The following COPA variants were observed in gnomAD, a reference collection of about 807,000 sequenced individuals.
COPA encodes coat protein complex I subunit alpha.
Under a neutral mutation model 158.7 loss-of-function variants are expected in COPA, and 10 were observed. The observed-to-expected ratio is 0.06, with a 90% confidence interval of 0.04 to 0.11. COPA has a LOEUF of 0.11. Ranked by LOEUF, COPA falls within the 10% of genes least tolerant of loss-of-function variation. The pLI is 1.00. For missense variants in COPA, 1,065 were observed against 1,536.7 expected (o/e 0.69, Z 5.13); for synonymous variants, 462 against 542.8 (o/e 0.85, Z 2.07).
In COPA at chr1:160,295,406, A is replaced by G. The variant is rs1658367017; in HGVS notation, c.2476+330T>C. On this transcript the variant is annotated intron_variant, in intron 23 of 32. Coordinates refer to ENST00000241704, the MANE Select transcript of COPA (RefSeq NM_004371.4). ...ACAGGTAGTTGAATTAGTACCTTTA[A>G]GATTGTATGTCATGAATGATAAAAT... is the stretch of plus-strand genomic sequence containing the variant. 2.6e-5 allele frequency among the ~76,000 whole-genome samples: 4 copies of G among 152,264 alleles called. No homozygotes were observed. The South Asian group carries it at 6.2e-4, about 24-fold the overall frequency.
In COPA at chr1:160,292,140, T is replaced by G; in HGVS notation, c.3019A>C (p.Ile1007Leu). 1.2e-6 allele frequency: 2 copies of G among 1,614,066 alleles called. No homozygotes were observed. Among genetic ancestry groups the G allele is most frequent in the Non-Finnish European group, 1.7e-6 (2 of 1,180,036 alleles). Residue 1007 changes from isoleucine to leucine, a missense_variant, in exon 29 of 33, where the codon ATC becomes CTC. Physicochemically the swap from Ile to Leu is conservative, Grantham distance 5. Transcript: ENST00000241704. ...TGGTAGCACAGCTGCAACCGTTGGA[T>G]GAGGTCATTAAGCTTCAGGCCCACA... ...PAVGLKLNDL[I>L]QRLQLCYQLT...
chr1:160,309,061 G>A (rs370398954), intron 13 of COPA, 40 bp downstream of exon 13: 20 of 1,502,152 alleles, frequency 1.3e-5, no homozygotes, highest in East Asian at 2.3e-5. Flanking sequence ...CGGGTGAGGA[G>A]AGCTGGAAGC....
intron 3 of COPA, among the ~76,000 whole-genome samples, chr1:160,338,506 A>T (rs182913305): frequency 1.3e-5 from 2 of 152,336 alleles, no homozygotes; most frequent in East Asian, 3.9e-4. Flanking sequence ...AGACTTAATG[A>T]AAACAACTAA....
intron 6 of COPA, among the ~76,000 whole-genome samples, chr1:160,329,412 A>G (rs1178756317): frequency 6.6e-6 from 1 of 151,936 alleles, no homozygotes; most frequent in Admixed American, 6.6e-5. Flanking sequence ...ATGGGGTCAC[A>G]CTCCCTCTCT....
chr1:160,316,766 GA>G (rs1659156113), intron 8 of COPA, among the ~76,000 whole-genome samples: 1 of 147,300 alleles, frequency 6.8e-6, no homozygotes, highest in Non-Finnish European at 1.5e-5. Context: ...AAAAAAAAAA[GA>G]ATGATTGGTT....
At position 160,321,622 on chromosome 1, in the gene COPA, T is replaced by C. The variant is rs12121459; in HGVS notation, c.706+1809A>G. Among the ~76,000 whole-genome samples, 1,472 of 152,066 alleles carry C rather than the reference T, an allele frequency of 9.7e-3. 12 individuals are homozygous for C. The highest frequency in any genetic ancestry group is 0.015 in the Non-Finnish European group (1,012 of 67,980). ...GGCCAACATGGTGAAACCTCGTCTC[T>C]AAAAAAAGTACAAAAATTAGCCAGG... On this transcript the variant is annotated intron_variant, in intron 8 of 32. Coordinates refer to ENST00000241704, the MANE Select transcript of COPA (RefSeq NM_004371.4).
intron 7 of COPA, 33 bp downstream of exon 7, chr1:160,325,501 GATGACAGCC>G (rs1229900024): frequency 6.7e-7 from 1 of 1,496,880 alleles, no homozygotes; most frequent in Admixed American, 1.7e-5. Flanking sequence ...ACTTTCCCAA[GATGACAGCC>G]CATATTCAGC....
Position 160,299,128 on chromosome 1 carries a change from C to T in COPA, c.1804G>A (p.Ala602Thr). 1 of 1,614,124 alleles carries T rather than the reference C, an allele frequency of 6.2e-7. No individual in the cohort carries two copies. The highest frequency in any genetic ancestry group is 8.5e-7 in the Non-Finnish European group (1 of 1,180,006). ...TCATCATATTTTCTGTTGATCAGGG[C>T]CAGCTTGAATTTGAACTCAGTGGGA... ...IDPTEFKFKL[A>T]LINRKYDEVL... Residue 602 changes from alanine (A) to threonine (T), a missense_variant, in exon 18 of 33, where the codon GCC becomes ACC. This residue lies in a region of COPA where 980 missense variants were observed against 1,357.8 expected (regional missense o/e 0.72). Coordinates refer to ENST00000241704, the MANE Select transcript of COPA (RefSeq NM_004371.4).
rs761552306 is a variant in COPA at position 160,333,579 on chromosome 1, C to A, written c.386+24G>T. ...AACTAGGAAAAATGAAGACTCTTTT[C>A]GAGCCCTCTGCCTCCTGCTTTACCA... is the stretch of plus-strand genomic sequence containing the variant. On this transcript the variant is annotated intron_variant, in intron 5 of 32. Transcript: ENST00000241704. The A allele has an allele frequency of 1.3e-5, 21 of 1,566,774 alleles. No homozygotes were observed. The East Asian group carries it at 2.5e-4, about 18-fold the overall frequency.
chr1:160,331,595 C>T (rs766029723), intron 6 of COPA, among the ~76,000 whole-genome samples: 13 of 148,008 alleles, frequency 8.8e-5, no homozygotes, highest in African/African-American at 2.8e-4. Flanking sequence ...TGTAGCGAGC[C>T]GAGATTGCGC....
In COPA at chr1:160,299,185, T is replaced by C. The variant is rs368055100; in HGVS notation, c.1747A>G (p.Arg583Gly). The C allele has an allele frequency of 6.2e-7, 1 of 1,614,218 alleles. No homozygotes were observed. The highest frequency in any genetic ancestry group is 8.5e-7 in the Non-Finnish European group (1 of 1,180,040). ...VKGNNVYCLDRECRPRVLTID... is the reference protein window; with the variant it reads ...VKGNNVYCLDGECRPRVLTID... Reference sequence around the variant, plus strand: ...GTGAGTACCCGGGGACGACACTCCCTGTCTAGGCAGTATACATTGTTGCCC... The same window carrying C: ...GTGAGTACCCGGGGACGACACTCCCCGTCTAGGCAGTATACATTGTTGCCC... The change falls in exon 18 of 33, where the codon AGG (arginine) becomes GGG (glycine). Residue 583 changes from arginine (R) to glycine (G), a missense_variant. Arg to Gly is a moderately radical substitution (Grantham distance 125). Around this residue, in one of 2 missense-constraint regions of COPA, gnomAD observed 980 missense variants for 1,357.8 expected, o/e 0.72. Coordinates refer to ENST00000241704, the MANE Select transcript of COPA (RefSeq NM_004371.4).
At position 160,291,881 on chromosome 1, in the gene COPA, C is replaced by A. The variant is rs767991810; in HGVS notation, c.3196G>T (p.Val1066Leu). Residue 1066 changes from valine to leucine, a missense_variant, in exon 30 of 33, where the codon GTG (valine) becomes TTG (leucine). Val to Leu is a conservative substitution (Grantham distance 32). Coordinates refer to ENST00000241704, the MANE Select transcript of COPA (RefSeq NM_004371.4). ...ICREYIVGLS[V>L]ETERKKLPKE... ...GGCAGCTTCTTCCTTTCTGTCTCCA[C>A]GGACAAACCCACAATGTACTCACGG... is the stretch of plus-strand genomic sequence containing the variant. The A allele has an allele frequency of 2.7e-5, 44 of 1,614,046 alleles. No homozygotes were observed. Among genetic ancestry groups the A allele is most frequent in the Admixed American group, 1.5e-4 (9 of 60,012 alleles).
chr1:160,342,990 A>T, intron 1 of COPA, 141 bp downstream of exon 1: 1 of 1,029,050 alleles, frequency 9.7e-7, no homozygotes, highest in Admixed American at 1.8e-5. Flanking sequence ...GCCAGGCCCA[A>T]CCTCTCTCCC....
In COPA at chr1:160,295,786, G is replaced by A. The variant is rs1464135690; in HGVS notation, c.2426C>T (p.Pro809Leu). Reference sequence around the variant, plus strand: ...AAATCCTTTGGATACAGTCAATAAAGGCCAATTGGTATCCAATGGCATGAT... The same window carrying A: ...AAATCCTTTGGATACAGTCAATAAAAGCCAATTGGTATCCAATGGCATGAT... ...APIMPLDTNW[P>L]LLTVSKGFFE... The change falls in exon 23 of 33, where the codon CCT becomes CTT. Residue 809 changes from proline (P) to leucine (L), a missense_variant. This residue lies in a region of COPA where 980 missense variants were observed against 1,357.8 expected (regional missense o/e 0.72). Transcript: ENST00000241704. 6.2e-7 allele frequency: 1 copy of A among 1,613,136 alleles called. No homozygotes were observed. Among genetic ancestry groups the A allele is most frequent in the Non-Finnish European group, 8.5e-7 (1 of 1,179,792 alleles).
chr1:160,308,909 G>A, intron 13 of COPA, 192 bp downstream of exon 13: 1 of 533,758 alleles, frequency 1.9e-6, no homozygotes, highest in Non-Finnish European at 3.4e-6. Flanking sequence ...TCTAGCTGGG[G>A]TAATAAAATG....
At chr1:160,307,446 C>A (rs1658827166) in intron 13 of COPA, among the ~76,000 whole-genome samples, 1 of 152,242 alleles carries the variant, frequency 6.6e-6, no homozygotes, top group African/African-American at 2.4e-5. Flanking sequence ...CCAACCACCA[C>A]CCCTGCCAAG....
At chr1:160,325,444 T>C (rs1659459602) in intron 7 of COPA, 99 bp downstream of exon 7, 2 of 1,015,310 alleles carry the variant, frequency 2.0e-6, no homozygotes, top group Non-Finnish European at 1.5e-6. Context: ...TAATAAGCAC[T>C]CTGTAAATAT....
In COPA at chr1:160,327,366, G is replaced by A. The variant is rs566651445; in HGVS notation, c.497-1714C>T. Among the ~76,000 whole-genome samples, 85 of 149,426 alleles carry A rather than the reference G, an allele frequency of 5.7e-4. No individual in the cohort carries two copies. The South Asian group carries it at 0.012, about 21-fold the overall frequency. On this transcript the variant is annotated intron_variant, in intron 6 of 32. Transcript: ENST00000241704. ...TGCCTGGCTAACATGGCAAAACCCC[G>A]TCTCTACTAAACATACAAAAATTAG...
intron 13 of COPA, among the ~76,000 whole-genome samples, chr1:160,307,861 T>C (rs1214402073): frequency 6.6e-6 from 1 of 152,180 alleles, no homozygotes; most frequent in Non-Finnish European, 1.5e-5. Context: ...TCTGGGAAAC[T>C]TGTAGAAGGA....
Sources: gnomAD v4.1 joint callset for allele counts (sites outside exome capture counted in the v4.1 genomes callset) on GRCh38, gnomAD v4.1.1 for gene constraint, gnomAD v4.1.1 regional missense constraint, MANE v1.5 for transcripts, NCBI Gene and HGNC (gene_info 2026-07-23, HGNC 2026-07-21) for gene names.